MBNL2: variants seen among roughly 807,000 people sequenced by gnomAD.
MBNL2 encodes the protein muscleblind-like protein 2.
A neutral mutation model predicts 41.9 loss-of-function variants in MBNL2; 17 were observed. That is an observed-to-expected ratio of 0.41 (90% confidence interval 0.28 to 0.61). The LOEUF (loss-of-function observed/expected upper bound fraction) is 0.61, where lower values mean the gene tolerates loss of function less well. MBNL2 is among the 20% of genes least tolerant of loss of function. MBNL2 has a pLI of 0.35. For missense variants in MBNL2, 336 were observed against 505.6 expected, an observed-to-expected ratio of 0.66 and a Z score of 3.22; for synonymous variants, 195 against 182.9, an observed-to-expected ratio of 1.07 and a Z score of -0.53.
At chr13:97,320,886 G>T (rs1209230383) in intron 2 of MBNL2, among the ~76,000 whole-genome samples, 3 of 152,114 alleles carry the variant, frequency 2.0e-5, no homozygotes, top group Admixed American at 2.0e-4. Flanking sequence ...CTGCACTCCA[G>T]CCTGGGCGAC....
upstream of MBNL2, among the ~76,000 whole-genome samples, chr13:97,217,183 T>C (rs1404682766): frequency 6.6e-6 from 1 of 151,104 alleles, no homozygotes; most frequent in Non-Finnish European, 1.5e-5. Flanking sequence ...TATGTCTCTA[T>C]GGCTTCTCTA....
the MBNL2 span, among the ~76,000 whole-genome samples, chr13:97,164,489 T>G: frequency 6.6e-6 from 1 of 152,118 alleles, no homozygotes; most frequent in Non-Finnish European, 1.5e-5. Flanking sequence ...AATGAACAAT[T>G]AAAAAGATGT....
At chr13:97,164,133 A>G in the MBNL2 span, among the ~76,000 whole-genome samples, 1 of 152,074 alleles carries the variant, frequency 6.6e-6, no homozygotes, top group African/African-American at 2.4e-5. Flanking sequence ...CAGCCTCTCA[A>G]GTAGCCTGGA....
Position 97,268,089 on chromosome 13 carries a change from C to CTTCT in MBNL2, c.-604-7540_-604-7539insTTTC, listed in dbSNP as rs780802527. On this transcript the variant is annotated intron_variant, in intron 1 of 8. Coordinates refer to ENST00000679496, the MANE Select transcript of MBNL2 (RefSeq NM_001382683.1). This position sits in a 1 kb window ranked among gnomAD's most constrained non-coding sequence, Gnocchi z 4.6. ...TCTTTTTTCTTTCCTTCCTTCCTTC[C>CTTCT]TTCCTTCCTTCCTTTCTTTCTTTTG... Among the ~76,000 whole-genome samples, 1 of 151,210 alleles carries CTTCT rather than the reference C, an allele frequency of 6.6e-6. No homozygotes were observed. The highest frequency in any genetic ancestry group is 2.4e-5 in the African/African-American group (1 of 41,134).
At chr13:97,143,178 A>T in the MBNL2 span, among the ~76,000 whole-genome samples, 1 of 152,254 alleles carries the variant, frequency 6.6e-6, no homozygotes, top group Admixed American at 6.5e-5. Context: ...AGAATTCTCT[A>T]GTTGTAAAGT....
intron 1 of MBNL2, among the ~76,000 whole-genome samples, chr13:97,230,932 T>C (rs1452052499): frequency 6.6e-6 from 1 of 152,236 alleles, no homozygotes; most frequent in Non-Finnish European, 1.5e-5. Flanking sequence ...TAAAAGTCGA[T>C]CTTCACTAAT....
chr13:97,178,152 G>A, the MBNL2 span, among the ~76,000 whole-genome samples: 13 of 152,292 alleles, frequency 8.5e-5, no homozygotes, highest in East Asian at 2.3e-3. Flanking sequence ...AAGAAAATGC[G>A]AGGAACATAG....
At chr13:97,303,718 A>G (rs2057864358) in intron 2 of MBNL2, among the ~76,000 whole-genome samples, 1 of 152,242 alleles carries the variant, frequency 6.6e-6, no homozygotes, top group Admixed American at 6.5e-5. Context: ...GTTTTCCAAT[A>G]AAGTATTTGC....
the MBNL2 span, among the ~76,000 whole-genome samples, chr13:97,151,804 AT>A: frequency 6.6e-6 from 1 of 152,264 alleles, no homozygotes; most frequent in Non-Finnish European, 1.5e-5. Flanking sequence ...AGGTTACAAG[AT>A]TTTTCCCTGA....
chr13:97,271,668 G>A (rs532297328), intron 1 of MBNL2, among the ~76,000 whole-genome samples: 31 of 152,180 alleles, frequency 2.0e-4, no homozygotes, highest in African/African-American at 6.5e-4. Context: ...ACTTATGAGT[G>A]AGAACATGCC....
chr13:97,206,250 TTC>T, the MBNL2 span, among the ~76,000 whole-genome samples: 1 of 152,282 alleles, frequency 6.6e-6, no homozygotes, highest in African/African-American at 2.4e-5. Context: ...TAGATTTTTT[TTC>T]TTTTTTCTGT....
chr13:97,195,663 T>C, the MBNL2 span, among the ~76,000 whole-genome samples: 1 of 152,316 alleles, frequency 6.6e-6, no homozygotes, highest in East Asian at 1.9e-4. Flanking sequence ...ACTAAAATTA[T>C]ACATAATAGC....
chr13:97,317,795 T>C lies in MBNL2; in HGVS notation c.175-16481T>C, dbSNP rs577764576. 3.9e-5 allele frequency among the ~76,000 whole-genome samples: 6 copies of C among 152,338 alleles called. No homozygotes were observed. In the South Asian group the frequency reaches 1.0e-3, roughly 26 times the overall value. On this transcript the variant is annotated intron_variant, in intron 2 of 8. Transcript: ENST00000679496. ...AATATACTCGATCACTTTAATGGGA[T>C]TTTGAAAACTGTATGATTTATGAAA...
chr13:97,201,456 T>C, the MBNL2 span, among the ~76,000 whole-genome samples: 62 of 152,346 alleles, frequency 4.1e-4, no homozygotes, highest in Non-Finnish European at 2.4e-4. Flanking sequence ...AACAAATGGA[T>C]TGATAAATGG....
At chr13:97,259,613 C>T (rs1214219720) in intron 1 of MBNL2, among the ~76,000 whole-genome samples, 4 of 152,260 alleles carry the variant, frequency 2.6e-5, no homozygotes, top group East Asian at 3.9e-4. Context: ...CAAACTCAGC[C>T]GAGCTGGTAA....
intron 2 of MBNL2, among the ~76,000 whole-genome samples, chr13:97,283,720 A>C (rs975380416): frequency 3.9e-5 from 6 of 152,352 alleles, no homozygotes; most frequent in African/African-American, 1.4e-4. Flanking sequence ...CCTGAGGATC[A>C]TTAAAAAAAT....
Position 97,268,166 on chromosome 13 carries a change from C to G in MBNL2, c.-604-7466C>G, listed in dbSNP as rs1348101876. Among the ~76,000 whole-genome samples, 1 of 152,142 alleles carries G rather than the reference C, an allele frequency of 6.6e-6. No homozygotes were observed. The highest frequency in any genetic ancestry group is 1.5e-5 in the Non-Finnish European group (1 of 68,020). ...CTAGAGTGCAGTGGCACGATCTTGG[C>G]TCACTGCAACCTCTGCCTCCTGGGT... is the stretch of plus-strand genomic sequence containing the variant. On this transcript the variant is annotated intron_variant, in intron 1 of 8. Transcript: ENST00000679496. The surrounding 1 kb of genome is among the most constrained non-coding windows in gnomAD (Gnocchi z 4.6).
the MBNL2 span, among the ~76,000 whole-genome samples, chr13:97,155,544 C>G: frequency 6.7e-6 from 1 of 148,380 alleles, no homozygotes; most frequent in Admixed American, 6.7e-5. Flanking sequence ...TATCCCTCCC[C>G]CCTCCCCACA....
At chr13:97,383,543 C>CAAAA (rs1250715876) in intron 8 of MBNL2, among the ~76,000 whole-genome samples, 1 of 152,152 alleles carries the variant, frequency 6.6e-6, no homozygotes, top group Non-Finnish European at 1.5e-5. Context: ...GAGTCATCCA[C>CAAAA]AAAAAGTATC....
Sources: allele counts gnomAD v4.1 joint callset (sites outside exome capture counted in the v4.1 genomes callset), GRCh38; gene constraint gnomAD v4.1.1; non-coding constraint Gnocchi (gnomAD v3.1); transcripts MANE v1.5; gene names NCBI Gene and HGNC (gene_info 2026-07-23, HGNC 2026-07-21).